Variants in CCDC7 observed in about 807,000 individuals in gnomAD.
CCDC7 encodes the protein coiled-coil domain-containing protein 7.
Under a neutral mutation model 196.9 loss-of-function variants are expected in CCDC7, and 183 were observed. The ratio of observed to expected loss-of-function variants is 0.93; its 90% CI spans 0.82 to 1.05. The LOEUF (loss-of-function observed/expected upper bound fraction) is 1.05, where lower values mean the gene tolerates loss of function less well. Among genes scored for constraint, CCDC7 ranks in the 50% least tolerant of loss-of-function variants. CCDC7 has a pLI of 0.00. For synonymous variants in CCDC7, 525 were observed against 484.6 expected, an observed-to-expected ratio of 1.08 and a Z score of -1.10; for missense variants, 1,540 against 1,482.2, an observed-to-expected ratio of 1.04 and a Z score of -0.64.
At position 32,663,934 on chromosome 10, in the gene CCDC7, A is replaced by G. The variant is rs190731129; in HGVS notation, c.2015-120A>G. 5 of 366,778 alleles carry G rather than the reference A, an allele frequency of 1.4e-5. 1 individual carries two copies. The highest frequency in any genetic ancestry group is 1.0e-4 in the African/African-American group (5 of 47,810). 22.7% of individuals were successfully genotyped at this position (366,778 alleles called of 1,614,324 possible). On this transcript the variant is annotated intron_variant, in intron 20 of 41. Transcript: ENST00000639629. The stretch of plus-strand genomic sequence containing the variant: ...GTCAGATCTAGAATTATAGTAATTT[A>G]CTTATATTTTACATGTATAAAAATG...
At chr10:32,790,562 C>T (rs576257347) in intron 29 of CCDC7, among the ~76,000 whole-genome samples, 60 of 152,312 alleles carry the variant, frequency 3.9e-4, no homozygotes, top group Admixed American at 3.9e-3. Flanking sequence ...TCCAGAGTCA[C>T]TACTCTGGGT....
At chr10:32,845,814 C>A (rs2136177819) in intron 35 of CCDC7, 62 bp from the exon 37 acceptor site, 1 of 1,302,996 alleles carries the variant, frequency 7.7e-7, no homozygotes, top group Non-Finnish European at 1.1e-6. Flanking sequence ...CACACAGATA[C>A]ACACAGAGGT....
At position 32,543,285 on chromosome 10, in the gene CCDC7, T is replaced by A; in HGVS notation, c.994-15T>A. 1 of 1,396,606 alleles carries A rather than the reference T, an allele frequency of 7.2e-7. No individual in the cohort carries two copies. Among genetic ancestry groups the A allele is most frequent in the Admixed American group, 3.0e-5 (1 of 33,362 alleles). The allele number at this position is 1,396,606 out of a possible 1,614,324, so 86.5% of individuals were successfully genotyped here. On this transcript the variant is annotated splice_polypyrimidine_tract_variant and intron_variant, in intron 11 of 41. Coordinates refer to ENST00000639629, the Ensembl canonical transcript of CCDC7. The stretch of plus-strand genomic sequence containing the variant: ...TTTTTAACCCTTTATTTCTGGCTTA[T>A]GTAAAATTATACAGAAAACTAAGCC...
chr10:32,772,387 G>C (rs1445626183), intron 28 of CCDC7, among the ~76,000 whole-genome samples: 1 of 152,170 alleles, frequency 6.6e-6, no homozygotes, highest in Non-Finnish European at 1.5e-5. Flanking sequence ...CAGCTACTGG[G>C]AGTCATAAAC....
At chr10:32,451,962 A>G in intron 1 of CCDC7, 41 bp downstream of exon 2, 1 of 1,572,286 alleles carries the variant, frequency 6.4e-7, no homozygotes, top group Non-Finnish European at 8.6e-7. Flanking sequence ...GGCCCCCATG[A>G]TCACCCCAGG....
At chr10:32,841,109 C>T (rs540016428) in intron 33 of CCDC7, among the ~76,000 whole-genome samples, 2 of 152,172 alleles carry the variant, frequency 1.3e-5, no homozygotes, top group Middle Eastern at 3.4e-3. Flanking sequence ...TGCCTACTCT[C>T]ACCACTTCTA....
chr10:32,484,382 T>G (rs991889755), intron 8 of CCDC7, among the ~76,000 whole-genome samples: 1 of 152,242 alleles, frequency 6.6e-6, no homozygotes, highest in Non-Finnish European at 1.5e-5. Flanking sequence ...CTCATCAGCT[T>G]AAGGAGATTT....
chr10:32,669,419 T>G (rs900103543), intron 21 of CCDC7, among the ~76,000 whole-genome samples: 5 of 152,126 alleles, frequency 3.3e-5, no homozygotes, highest in African/African-American at 1.2e-4. Context: ...GGAAGTGATC[T>G]CTCTTCTTCT....
At chr10:32,642,934 A>G (rs1201424212) in intron 20 of CCDC7, among the ~76,000 whole-genome samples, 1 of 152,244 alleles carries the variant, frequency 6.6e-6, no homozygotes, top group Non-Finnish European at 1.5e-5. Context: ...AATGATGAAT[A>G]TTATTAAATT....
intron 25 of CCDC7, among the ~76,000 whole-genome samples, chr10:32,715,463 G>A (rs1007059700): frequency 3.3e-5 from 5 of 152,192 alleles, no homozygotes; most frequent in Non-Finnish European, 7.3e-5. Flanking sequence ...CAAAAAGGCT[G>A]AAAATTCCAA....
chr10:32,697,444 T>C (rs1253851623), intron 24 of CCDC7, among the ~76,000 whole-genome samples: 1 of 152,172 alleles, frequency 6.6e-6, no homozygotes, highest in Non-Finnish European at 1.5e-5. Context: ...TGACAGATGG[T>C]ACCTGAAAAT....
chr10:32,612,755 G>A (rs572934963), intron 18 of CCDC7, among the ~76,000 whole-genome samples: 48 of 152,174 alleles, frequency 3.2e-4, no homozygotes, highest in East Asian at 5.8e-4. Flanking sequence ...CTTGTGTCCC[G>A]GGGTGAAGCC....
intron 18 of CCDC7, among the ~76,000 whole-genome samples, chr10:32,591,008 A>G (rs545900248): frequency 9.9e-5 from 15 of 152,206 alleles, no homozygotes; most frequent in African/African-American, 3.6e-4. Context: ...GTTCTTGAAT[A>G]TTGATCTCTC....
intron 33 of CCDC7, 89 bp from the exon 35 acceptor site, chr10:32,845,154 A>G (rs1269416850): frequency 4.3e-6 from 3 of 695,796 alleles, no homozygotes; most frequent in Non-Finnish European, 7.0e-6. Context: ...TTCTAAATGA[A>G]TATCCTCCTA....
chr10:32,739,718 A>G (rs2085489070), intron 28 of CCDC7, among the ~76,000 whole-genome samples: 1 of 151,946 alleles, frequency 6.6e-6, no homozygotes, highest in African/African-American at 2.4e-5. Flanking sequence ...TCTAGACATA[A>G]TGTATTGGAC....
At chr10:32,514,049 A>G (rs1412153687) in intron 9 of CCDC7, 1 of 152,244 alleles carries the variant, frequency 6.6e-6, no homozygotes, top group African/African-American at 2.4e-5. Context: ...AACTACCTCT[A>G]TTTGCAAATG....
At chr10:32,814,431 G>A (rs748517673) in exon 31 of CCDC7, 1 of 1,611,204 alleles carries the variant, frequency 6.2e-7, no homozygotes, top group African/African-American at 1.3e-5. Flanking sequence ...ATGAATTCAA[G>A]ACACGATCAA....
chr10:32,685,626 T>C (rs1032165990), intron 21 of CCDC7, among the ~76,000 whole-genome samples: 1 of 152,232 alleles, frequency 6.6e-6, no homozygotes, highest in African/African-American at 2.4e-5. Context: ...TTTGAGTATT[T>C]TGTAATTACA....
chr10:32,740,322 T>C (rs148918577), intron 28 of CCDC7, among the ~76,000 whole-genome samples: 1 of 152,336 alleles, frequency 6.6e-6, no homozygotes, highest in African/African-American at 2.4e-5. Flanking sequence ...TTCTTTAATA[T>C]AATTAATGAT....
Sources: gnomAD v4.1 joint callset for allele counts (sites outside exome capture counted in the v4.1 genomes callset) on GRCh38, gnomAD v4.1.1 for gene constraint, MANE v1.5 for transcripts, NCBI Gene and HGNC (gene_info 2026-07-23, HGNC 2026-07-21) for gene names.